PCDHA8: variants seen among roughly 807,000 people sequenced by gnomAD.
The protein encoded by PCDHA8 is protocadherin alpha-8.
A neutral mutation model predicts 61.8 loss-of-function variants in PCDHA8; 53 were observed. The observed-to-expected ratio is 0.86, with a 90% CI of 0.69 to 1.08. PCDHA8 has a LOEUF of 1.08. PCDHA8 is among the 50% of genes least tolerant of loss of function. The probability of loss-of-function intolerance (pLI) is 0.00; values close to 1 mark genes in which losing one functional copy is unlikely to be tolerated. For synonymous variants in PCDHA8, 618 were observed against 556.6 expected (o/e 1.11, Z -1.55); for missense variants, 1,293 against 1,245.0 (o/e 1.04, Z -0.58).
intron 1 of PCDHA8, chr5:140,969,073 G>A (rs781937942): frequency 1.4e-5 from 23 of 1,613,974 alleles, no homozygotes; most frequent in South Asian, 5.5e-5. Context: ...CCAGGATACC[G>A]CATGGCCTCA....
At chr5:140,923,826 T>A (rs2081533545) in intron 1 of PCDHA8, among the ~76,000 whole-genome samples, 1 of 152,218 alleles carries the variant, frequency 6.6e-6, no homozygotes, top group East Asian at 1.9e-4. Context: ...TAGACGTCAG[T>A]GGCAGTTTAA....
chr5:140,997,567 G>A (rs1163598467), intron 3 of PCDHA8, among the ~76,000 whole-genome samples: 1 of 152,130 alleles, frequency 6.6e-6, no homozygotes, highest in Non-Finnish European at 1.5e-5. Flanking sequence ...ACTGTCATAT[G>A]TGTGGTCCGT....
chr5:140,908,604 C>T (rs1011069667), intron 1 of PCDHA8, among the ~76,000 whole-genome samples: 10 of 152,114 alleles, frequency 6.6e-5, no homozygotes, highest in African/African-American at 2.2e-4. Flanking sequence ...GATGGAAGGG[C>T]CTTGCTCCAA....
In PCDHA8 at chr5:140,852,727, G is replaced by T. The variant is rs1395858951; in HGVS notation, c.2394+9012G>T. The T allele has an allele frequency of 2.0e-6, 2 of 983,412 alleles. 1 individual carries two copies. The highest frequency in any genetic ancestry group is 2.5e-6 in the Non-Finnish European group (2 of 816,078). 60.9% of individuals were successfully genotyped at this position (983,412 alleles called of 1,614,324 possible). A position where few individuals can be genotyped will look rare whatever the true frequency, so the allele number is the denominator to read the frequency against. On this transcript the variant is annotated intron_variant, in intron 1 of 3. Transcript: ENST00000531613. ...ATCTTTGTCTTTGCACGTTTTTCAA[G>T]TTTCATGTGCCATTTAAACTTGGAC...
intron 1 of PCDHA8, chr5:140,856,146 C>T: frequency 6.3e-7 from 1 of 1,598,308 alleles, no homozygotes; most frequent in Middle Eastern, 1.7e-4. Flanking sequence ...CTCCACTACT[C>T]AGTCTACGAG....
chr5:140,874,545 A>G (rs1362898895), intron 1 of PCDHA8, among the ~76,000 whole-genome samples: 1 of 152,240 alleles, frequency 6.6e-6, no homozygotes, highest in Non-Finnish European at 1.5e-5. Context: ...AAAACCCTTT[A>G]AGAGATCTTT....
In PCDHA8 at chr5:141,011,437, GA is replaced by G. The variant is rs1196462702; in HGVS notation, c.*1501del. The G allele has an allele frequency of 2.6e-5, 4 of 153,726 alleles. No homozygotes were observed. Among genetic ancestry groups the G allele is most frequent in the African/African-American group, 9.7e-5 (4 of 41,440 alleles). 9.5% of individuals were successfully genotyped at this position (153,726 alleles called of 1,614,324 possible). ...TGAATGTTAATGCAACTATTACCTA[GA>G]GTGAACTTTAAGCTTTATTGTTGAA... is the stretch of plus-strand genomic sequence containing the variant. On this transcript the variant is annotated 3_prime_UTR_variant, in exon 4 of 4. Transcript: ENST00000531613.
intron 3 of PCDHA8, among the ~76,000 whole-genome samples, chr5:141,002,329 A>C (rs2098072323): frequency 6.6e-6 from 1 of 152,226 alleles, no homozygotes; most frequent in Non-Finnish European, 1.5e-5. Context: ...GCCGGGCTGC[A>C]TCCGCACCCC....
At position 141,009,957 on chromosome 5, in the gene PCDHA8, G is replaced by A; in HGVS notation, c.*20G>A. The stretch of plus-strand genomic sequence containing the variant: ...CAGTGAGGTCCTCAAATGGAAACAA[G>A]CCACTTAGCCAGTTTTTGTAATAAT... On this transcript the variant is annotated 3_prime_UTR_variant, in exon 4 of 4. Transcript: ENST00000531613. 1 of 1,589,160 alleles carries A rather than the reference G, an allele frequency of 6.3e-7. No individual in the cohort carries two copies. Among genetic ancestry groups the A allele is most frequent in the Non-Finnish European group, 8.5e-7 (1 of 1,171,102 alleles).
At chr5:140,869,484 C>T (rs782167038) in intron 1 of PCDHA8, 2 of 1,613,948 alleles carry the variant, frequency 1.2e-6, no homozygotes, top group South Asian at 2.2e-5. Flanking sequence ...AGGACATTAA[C>T]GACAACCCGC....
chr5:140,891,931 G>A (rs2063313924), intron 1 of PCDHA8, among the ~76,000 whole-genome samples: 1 of 152,168 alleles, frequency 6.6e-6, no homozygotes, highest in Non-Finnish European at 1.5e-5. Flanking sequence ...CTTGATCTTG[G>A]ACTTCCCCTA....
Position 140,877,874 on chromosome 5 carries a change from C to T in PCDHA8, c.2394+34159C>T, listed in dbSNP as rs782471585. The T allele has an allele frequency of 2.7e-6, 4 of 1,477,338 alleles. No homozygotes were observed. The African/African-American group carries it at 5.7e-5, about 21-fold the overall frequency. The allele number at this position is 1,477,338 out of a possible 1,614,324, so 91.5% of individuals were successfully genotyped here. ...TAATATTATTTAGATATATTTGTTT[C>T]CTTGAAGAACTTCCGTTTAGGTTAT... is the stretch of plus-strand genomic sequence containing the variant. On this transcript the variant is annotated intron_variant, in intron 1 of 3. Transcript: ENST00000531613.
chr5:140,993,134 A>G (rs2097542279), intron 3 of PCDHA8, among the ~76,000 whole-genome samples: 1 of 152,238 alleles, frequency 6.6e-6, no homozygotes, highest in African/African-American at 2.4e-5. Flanking sequence ...CTTCTGTTGC[A>G]ACAAGTATAA....
At chr5:140,982,691 C>G in intron 3 of PCDHA8, 128 bp downstream of exon 3, 1 of 1,408,152 alleles carries the variant, frequency 7.1e-7, no homozygotes, top group Non-Finnish European at 9.3e-7. Flanking sequence ...TTTTTCCATA[C>G]ATACATGATT....
At chr5:140,868,965 G>A (rs2050767308) in intron 1 of PCDHA8, 1 of 1,430,146 alleles carries the variant, frequency 7.0e-7, no homozygotes, top group Non-Finnish European at 9.4e-7. Flanking sequence ...CCATACAAAG[G>A]AACTCCATCA....
At chr5:140,929,545 A>T in intron 1 of PCDHA8, 1 of 514,856 alleles carries the variant, frequency 1.9e-6, no homozygotes, top group Non-Finnish European at 3.2e-6. Context: ...ACAAGGGCAA[A>T]AATTAAAACC....
intron 1 of PCDHA8, among the ~76,000 whole-genome samples, chr5:140,878,510 A>G (rs781881628): frequency 2.0e-5 from 3 of 152,250 alleles, no homozygotes; most frequent in Non-Finnish European, 4.4e-5. Flanking sequence ...ACGATACAGT[A>G]CAGTTGGTAA....
chr5:140,894,574 T>C (rs997238240), intron 1 of PCDHA8, among the ~76,000 whole-genome samples: 2 of 152,002 alleles, frequency 1.3e-5, no homozygotes, highest in African/African-American at 2.4e-5. Context: ...TTTTCCTTTT[T>C]TTTAATATTT....
chr5:140,856,771 T>A, intron 1 of PCDHA8: 1 of 1,596,918 alleles, frequency 6.3e-7, no homozygotes, highest in Non-Finnish European at 8.6e-7. Flanking sequence ...CCCCTATCTT[T>A]GACAGACCGG....
Sources: allele counts gnomAD v4.1 joint callset (sites outside exome capture counted in the v4.1 genomes callset), GRCh38; gene constraint gnomAD v4.1.1; transcripts MANE v1.5; gene names NCBI Gene and HGNC (gene_info 2026-07-23, HGNC 2026-07-21).